The following MAML3 variants were observed in gnomAD, a reference collection of about 807,000 sequenced individuals.
The protein encoded by MAML3 is mastermind like transcriptional coactivator 3.
Under a neutral mutation model 101.9 loss-of-function variants are expected in MAML3, and 27 were observed. The observed-to-expected ratio is 0.27, with a 90% CI of 0.20 to 0.37. The LOEUF (loss-of-function observed/expected upper bound fraction) is 0.37, where lower values mean the gene tolerates loss of function less well. Ranked by LOEUF, MAML3 falls within the 10% of genes least tolerant of loss-of-function variation. The pLI is 1.00. For missense variants in MAML3, 1,316 were observed against 1,444.9 expected (o/e 0.91, Z 1.45); for synonymous variants, 501 against 555.9 (o/e 0.90, Z 1.39).
intron 2 of MAML3, among the ~76,000 whole-genome samples, chr4:139,784,259 G>T (rs1400595544): frequency 6.6e-6 from 1 of 152,098 alleles, no homozygotes; most frequent in East Asian, 1.9e-4. Flanking sequence ...TCCTCTTATC[G>T]ACACACAGAC....
chr4:140,132,132 C>T (rs929816313), intron 1 of MAML3, among the ~76,000 whole-genome samples: 2 of 152,232 alleles, frequency 1.3e-5, no homozygotes. Context: ...TTGTACGGAC[C>T]TCTTACTGGT....
At chr4:139,846,150 C>T (rs191469175) in intron 2 of MAML3, among the ~76,000 whole-genome samples, 2 of 152,190 alleles carry the variant, frequency 1.3e-5, no homozygotes, top group East Asian at 3.9e-4. Flanking sequence ...CTTAATTTTC[C>T]TACCTACAGA....
intron 1 of MAML3, among the ~76,000 whole-genome samples, chr4:140,108,570 T>C (rs991586719): frequency 1.3e-5 from 2 of 149,158 alleles, no homozygotes; most frequent in African/African-American, 5.0e-5. Flanking sequence ...GATTAAAAGA[T>C]TTAATGACCT....
intron 1 of MAML3, among the ~76,000 whole-genome samples, chr4:140,110,037 GAGAA>G (rs2111009615): frequency 6.6e-6 from 1 of 152,356 alleles, no homozygotes; most frequent in Admixed American, 6.5e-5. Context: ...GGGTGGGTGG[GAGAA>G]AGAGGAGGCT....
Position 140,057,134 on chromosome 4 carries a change from G to C in MAML3, c.468+95726C>G, listed in dbSNP as rs375333750. On this transcript the variant is annotated intron_variant, in intron 1 of 4. Transcript: ENST00000509479. ...CTACGAAAAATTTAAAAATTAGCCA[G>C]GTGGGATGGCATGCATCTGTAGTCC... is the stretch of plus-strand genomic sequence containing the variant. Among the ~76,000 whole-genome samples the C allele has an allele frequency of 7.4e-4, 113 of 152,328 alleles. No individual in the cohort carries two copies. The Middle Eastern group carries it at 0.017, about 23-fold the overall frequency.
intron 2 of MAML3, among the ~76,000 whole-genome samples, chr4:139,776,502 C>A (rs116066165): frequency 0.02 from 3,083 of 152,286 alleles, 106 homozygotes; most frequent in African/African-American, 0.071. Flanking sequence ...TAACAAAGCT[C>A]CCGGCAGCTT....
chr4:139,781,810 A>G (rs1216575592), intron 2 of MAML3, among the ~76,000 whole-genome samples: 1 of 152,136 alleles, frequency 6.6e-6, no homozygotes, highest in African/African-American at 2.4e-5. Flanking sequence ...AACTTGAGAA[A>G]ATATCTGGCA....
intron 4 of MAML3, 103 bp from the exon 5 acceptor site, chr4:139,720,426 TG>T: frequency 1.0e-5 from 10 of 980,920 alleles, no homozygotes; most frequent in Non-Finnish European, 1.3e-5. Flanking sequence ...TTCCTTTATA[TG>T]AAAGGATCTA....
chr4:139,999,886 C>T (rs531390336), intron 1 of MAML3, among the ~76,000 whole-genome samples: 33 of 152,284 alleles, frequency 2.2e-4, no homozygotes, highest in African/African-American at 6.0e-4. Context: ...AAATGACCCA[C>T]GATTCACAGA....
At position 139,793,567 on chromosome 4, in the gene MAML3, T is replaced by A. The variant is rs147196181; in HGVS notation, c.2080-62900A>T. ...GCATCTTAAAATCCTAAATACTAAT[T>A]CCTGCCAAAAGAGCCCTAGAGTTTT... On this transcript the variant is annotated intron_variant, in intron 2 of 4. Transcript: ENST00000509479. 9.9e-5 allele frequency among the ~76,000 whole-genome samples: 15 copies of A among 152,264 alleles called. No homozygotes were observed. In the East Asian group the frequency reaches 2.3e-3, roughly 24 times the overall value.
chr4:140,042,047 G>A (rs1051359245), intron 1 of MAML3, among the ~76,000 whole-genome samples: 10 of 152,232 alleles, frequency 6.6e-5, no homozygotes, highest in East Asian at 1.9e-4. Context: ...TGTGAAGTAC[G>A]AAGTATTATT....
At chr4:139,760,541 T>C (rs1435123137) in intron 2 of MAML3, among the ~76,000 whole-genome samples, 3 of 152,176 alleles carry the variant, frequency 2.0e-5, no homozygotes, top group Non-Finnish European at 4.4e-5. Context: ...GCTCAATAAC[T>C]TTATAATTAT....
At chr4:139,839,300 T>A (rs2604917) in intron 2 of MAML3, among the ~76,000 whole-genome samples, 9,695 of 151,956 alleles carry the variant, frequency 0.064, 958 homozygotes, top group African/African-American at 0.21. Flanking sequence ...ATAAATCAGA[T>A]CCTCCGGGAG....
At chr4:139,899,107 C>T (rs556776570) in intron 1 of MAML3, among the ~76,000 whole-genome samples, 10 of 152,264 alleles carry the variant, frequency 6.6e-5, no homozygotes, top group Admixed American at 1.3e-4. Flanking sequence ...CTGATTCTTC[C>T]GGGGCTGTTG....
intron 2 of MAML3, among the ~76,000 whole-genome samples, chr4:139,876,502 A>G (rs10519506): frequency 0.039 from 5,953 of 152,292 alleles, 177 homozygotes; most frequent in African/African-American, 0.082. Flanking sequence ...GCTGCAATAC[A>G]CTCAGATGTG....
chr4:139,781,331 C>T (rs991712913), intron 2 of MAML3, among the ~76,000 whole-genome samples: 3 of 151,944 alleles, frequency 2.0e-5, no homozygotes, highest in Non-Finnish European at 2.9e-5. Context: ...AAGGGAAAGC[C>T]TTTTATATCT....
chr4:139,850,780 G>A (rs1731533922), intron 2 of MAML3, among the ~76,000 whole-genome samples: 1 of 151,930 alleles, frequency 6.6e-6, no homozygotes, highest in Admixed American at 6.6e-5. Flanking sequence ...CTGAGCTCAA[G>A]TGATTTACAC....
intron 2 of MAML3, among the ~76,000 whole-genome samples, chr4:139,780,944 T>C (rs965355025): frequency 2.0e-5 from 3 of 152,128 alleles, no homozygotes; most frequent in African/African-American, 7.2e-5. Context: ...TGCATAGTTC[T>C]GACGGCAAAG....
intron 1 of MAML3, among the ~76,000 whole-genome samples, chr4:139,902,305 G>A (rs1351051630): frequency 6.6e-6 from 1 of 151,868 alleles, no homozygotes; most frequent in African/African-American, 2.4e-5. Flanking sequence ...CAATGAGCGA[G>A]CAAACAGGAC....
Sources: allele counts gnomAD v4.1 joint callset (sites outside exome capture counted in the v4.1 genomes callset), GRCh38; gene constraint gnomAD v4.1.1; transcripts MANE v1.5; gene names NCBI Gene and HGNC (gene_info 2026-07-23, HGNC 2026-07-21).